Variants in NMNAT2 observed in about 807,000 individuals in gnomAD.
The protein encoded by NMNAT2 is nicotinamide/nicotinic acid mononucleotide adenylyltransferase 2.
In NMNAT2, 11 loss-of-function variants were observed where a neutral mutation model predicts 41.6. The ratio of observed to expected loss-of-function variants is 0.26; its 90% CI spans 0.17 to 0.44. The LOEUF is 0.44. Among genes scored for constraint, NMNAT2 ranks in the 20% least tolerant of loss-of-function variants. The pLI is 1.00. For missense variants in NMNAT2, 288 were observed against 407.7 expected, an observed-to-expected ratio of 0.71 and a Z score of 2.53; for synonymous variants, 148 against 151.2, an observed-to-expected ratio of 0.98 and a Z score of 0.16.
chr1:183,349,602 G>A (rs1663001666), intron 1 of NMNAT2, among the ~76,000 whole-genome samples: 1 of 152,256 alleles, frequency 6.6e-6, no homozygotes, highest in Admixed American at 6.5e-5. Context: ...TTGCATGTTT[G>A]TGTCTAGTGC....
chr1:183,283,823 G>A (rs1471996611), intron 7 of NMNAT2, 172 bp downstream of exon 7: 3 of 687,670 alleles, frequency 4.4e-6, no homozygotes, highest in South Asian at 3.0e-5. Flanking sequence ...AGATGTTAAA[G>A]GGAGCTAACT....
intron 1 of NMNAT2, among the ~76,000 whole-genome samples, chr1:183,341,415 C>T (rs748798816): frequency 3.3e-5 from 5 of 150,750 alleles, no homozygotes; most frequent in African/African-American, 4.9e-5. Context: ...TGGTGACTCA[C>T]GTCTGTAATC....
intron 7 of NMNAT2, among the ~76,000 whole-genome samples, chr1:183,281,883 G>A (rs750064254): frequency 1.3e-5 from 2 of 152,274 alleles, no homozygotes; most frequent in Non-Finnish European, 2.9e-5. Flanking sequence ...ACACAGCGCA[G>A]GAGTCGGGAG....
In NMNAT2 at chr1:183,396,412, G is replaced by A. The variant is rs117615112; in HGVS notation, c.85+21771C>T. Among the ~76,000 whole-genome samples the A allele has an allele frequency of 8.5e-4, 129 of 152,294 alleles. 1 individual carries two copies. The East Asian group carries it at 0.02, about 24-fold the overall frequency. Reference sequence around the variant, plus strand: ...AAACACCTGAAGGTGGTGATCAGCAGCTTCCCAATAAGACCTCAGGAGTTG... The same window carrying A: ...AAACACCTGAAGGTGGTGATCAGCAACTTCCCAATAAGACCTCAGGAGTTG... On this transcript the variant is annotated intron_variant, in intron 1 of 10. Coordinates refer to ENST00000287713, the MANE Select transcript of NMNAT2 (RefSeq NM_015039.4).
intron 1 of NMNAT2, among the ~76,000 whole-genome samples, chr1:183,388,950 C>T (rs1393101708): frequency 6.6e-6 from 1 of 152,078 alleles, no homozygotes; most frequent in African/African-American, 2.4e-5. Context: ...AGTATACCAA[C>T]GTGATTCCAT....
intron 8 of NMNAT2, among the ~76,000 whole-genome samples, chr1:183,266,273 G>A (rs145851441): frequency 6.6e-6 from 1 of 152,242 alleles, no homozygotes; most frequent in African/African-American, 2.4e-5. Context: ...TTATTTGCTT[G>A]CCTTTTTTAG....
chr1:183,352,051 G>T (rs746699796), intron 1 of NMNAT2, among the ~76,000 whole-genome samples: 1 of 151,984 alleles, frequency 6.6e-6, no homozygotes, highest in Non-Finnish European at 1.5e-5. Flanking sequence ...ATTTTCCCAG[G>T]GCTCTCCTGG....
chr1:183,255,549 G>C (rs113630121), intron 10 of NMNAT2, among the ~76,000 whole-genome samples: 34 of 152,068 alleles, frequency 2.2e-4, no homozygotes, highest in African/African-American at 7.7e-4. Flanking sequence ...TCTGATCCAT[G>C]AGCATGAAAT....
At chr1:183,377,076 T>C (rs1384867908) in intron 1 of NMNAT2, among the ~76,000 whole-genome samples, 1 of 152,038 alleles carries the variant, frequency 6.6e-6, no homozygotes, top group Admixed American at 6.6e-5. Flanking sequence ...CAGCAGGAAG[T>C]GCGACACAGC....
chr1:183,340,552 G>C (rs1425305750), intron 1 of NMNAT2, among the ~76,000 whole-genome samples: 1 of 152,140 alleles, frequency 6.6e-6, no homozygotes, highest in Non-Finnish European at 1.5e-5. Flanking sequence ...TTGAACTCCT[G>C]ACCTCGGGTG....
At chr1:183,291,985 C>T (rs1264824517) in intron 3 of NMNAT2, among the ~76,000 whole-genome samples, 2 of 152,246 alleles carry the variant, frequency 1.3e-5, no homozygotes, top group Non-Finnish European at 2.9e-5. Flanking sequence ...CCACCCCGCT[C>T]TTCCTGGGCA....
At chr1:183,353,287 T>A (rs1185320087) in intron 1 of NMNAT2, among the ~76,000 whole-genome samples, 1 of 152,054 alleles carries the variant, frequency 6.6e-6, no homozygotes, top group African/African-American at 2.4e-5. Flanking sequence ...ATTACAGGAG[T>A]GAGCCACTGT....
chr1:183,304,867 A>C, intron 1 of NMNAT2: 1 of 1,543,844 alleles, frequency 6.5e-7, no homozygotes, highest in South Asian at 1.2e-5. Flanking sequence ...AGCTTGGGAG[A>C]ATTTGAATCC....
chr1:183,313,697 GCT>G (rs1370428178), intron 1 of NMNAT2, among the ~76,000 whole-genome samples: 1 of 152,168 alleles, frequency 6.6e-6, no homozygotes, highest in Non-Finnish European at 1.5e-5. Flanking sequence ...TGTTGGCCAG[GCT>G]GGTCTCGAAC....
chr1:183,347,502 GACTGTTGAGA>G (rs1662957652), intron 1 of NMNAT2, among the ~76,000 whole-genome samples: 1 of 152,152 alleles, frequency 6.6e-6, no homozygotes, highest in Non-Finnish European at 1.5e-5. Context: ...TCCCTCATGG[GACTGTTGAGA>G]GGATTAAGTT....
At position 183,313,388 on chromosome 1, in the gene NMNAT2, G is replaced by C. The variant is rs186954823; in HGVS notation, c.86-19595C>G. The stretch of plus-strand genomic sequence containing the variant: ...TTCTTTCCTTAGGCATGGATAACTG[G>C]GTATTTGGTTAGCAAGGAAAAAAGA... On this transcript the variant is annotated intron_variant, in intron 1 of 10. Transcript: ENST00000287713. 4.6e-5 allele frequency among the ~76,000 whole-genome samples: 7 copies of C among 152,184 alleles called. No homozygotes were observed. The East Asian group carries it at 1.4e-3, about 29-fold the overall frequency.
At chr1:183,401,453 T>C (rs1026139065) in intron 1 of NMNAT2, among the ~76,000 whole-genome samples, 4 of 152,182 alleles carry the variant, frequency 2.6e-5, no homozygotes, top group African/African-American at 7.2e-5. Flanking sequence ...AGGAAAACTT[T>C]TACACTGTTG....
chr1:183,393,410 G>A (rs1331255163), intron 1 of NMNAT2, among the ~76,000 whole-genome samples: 2 of 151,924 alleles, frequency 1.3e-5, no homozygotes, highest in Admixed American at 1.3e-4. Context: ...TGCAAACTTG[G>A]GATGAACCTT....
chr1:183,261,255 C>A lies in NMNAT2; in HGVS notation c.700G>T (p.Ala234Ser). The change falls in exon 9 of 11, where the codon GCA becomes TCA. Residue 234 changes from alanine (A) to serine (S), a missense_variant. By Grantham distance (99) the Ala-to-Ser change is moderately conservative. Transcript: ENST00000287713. ...DFGIVVVPRD[A>S]ADTDRIMNHS... Reference sequence around the variant, plus strand: ...TTCATGATTCGGTCTGTGTCGGCTGCATCCCGGGGCACCACCACAATCCCA... The same window carrying A: ...TTCATGATTCGGTCTGTGTCGGCTGAATCCCGGGGCACCACCACAATCCCA... The A allele has an allele frequency of 1.2e-6, 2 of 1,614,072 alleles. No individual in the cohort carries two copies. Among genetic ancestry groups the A allele is most frequent in the Non-Finnish European group, 1.7e-6 (2 of 1,180,044 alleles).
Sources: allele counts gnomAD v4.1 joint callset (sites outside exome capture counted in the v4.1 genomes callset), GRCh38; gene constraint gnomAD v4.1.1; transcripts MANE v1.5; gene names NCBI Gene and HGNC (gene_info 2026-07-23, HGNC 2026-07-21).